The following LCORL variants were observed in gnomAD, a reference collection of about 807,000 sequenced individuals.
LCORL encodes ligand dependent nuclear receptor corepressor like.
In LCORL, 41 loss-of-function variants were observed where a neutral mutation model predicts 141.8. The observed-to-expected ratio is 0.29, with a 90% CI of 0.23 to 0.38. The LOEUF (loss-of-function observed/expected upper bound fraction) is 0.38. LCORL is among the 10% of genes least tolerant of loss of function. The probability of loss-of-function intolerance (pLI) is 1.00; values close to 1 mark genes in which losing one functional copy is unlikely to be tolerated. For missense variants in LCORL, 1,759 were observed against 2,035.0 expected (o/e 0.86, Z 2.61); for synonymous variants, 618 against 694.1 (o/e 0.89, Z 1.72).
At chr4:17,905,356 A>G (rs1052283507) in intron 5 of LCORL, among the ~76,000 whole-genome samples, 7 of 152,102 alleles carry the variant, frequency 4.6e-5, no homozygotes, top group Non-Finnish European at 8.8e-5. Flanking sequence ...AAAATTAAGA[A>G]AAGTTTTCAA....
chr4:17,887,968 C>G lies in LCORL; in HGVS notation c.683-1807G>C, dbSNP rs1269099878. ...CCAAATCTAACTCATCAGCCCCACT[C>G]AGAACACAATGTAGAGTTGGCTGAT... On this transcript the variant is annotated intron_variant, in intron 5 of 7. Transcript: ENST00000635767. Among the ~76,000 whole-genome samples the G allele has an allele frequency of 2.6e-5, 4 of 152,044 alleles. No individual in the cohort carries two copies. In the East Asian group the frequency reaches 7.7e-4, roughly 29 times the overall value.
chr4:17,956,623 A>C (rs1382860514), intron 4 of LCORL, among the ~76,000 whole-genome samples: 1 of 148,960 alleles, frequency 6.7e-6, no homozygotes, highest in Non-Finnish European at 1.5e-5. Context: ...AGAGGTAGAG[A>C]GTAAAATGAT....
intron 4 of LCORL, among the ~76,000 whole-genome samples, chr4:17,914,588 G>A (rs910194179): frequency 1.3e-5 from 2 of 152,206 alleles, no homozygotes; most frequent in Non-Finnish European, 2.9e-5. Context: ...ATGCTTCTCA[G>A]CTGCTGACTG....
chr4:18,021,008 G>C lies in LCORL; in HGVS notation c.154+590C>G, dbSNP rs952740474. ...CAGAGTTGGGCGCCCCCCGCCCCTC[G>C]GACGACGCCCCCGCCGCCCCTCGCC... On this transcript the variant is annotated intron_variant, in intron 1 of 7. Transcript: ENST00000635767. This position sits in a 1 kb window ranked among gnomAD's most constrained non-coding sequence, Gnocchi z 5.5. Among the ~76,000 whole-genome samples the C allele has an allele frequency of 6.6e-6, 1 of 152,040 alleles. No homozygotes were observed. Among genetic ancestry groups the C allele is most frequent in the African/African-American group, 2.4e-5 (1 of 41,426 alleles).
chr4:17,869,721 T>A (rs1296155443), intron 7 of LCORL, among the ~76,000 whole-genome samples: 4 of 152,272 alleles, frequency 2.6e-5, no homozygotes, highest in South Asian at 2.1e-4. Flanking sequence ...TTATTTCAGC[T>A]CAGGCCTTTT....
At chr4:17,863,667 T>C (rs760287994) in intron 7 of LCORL, among the ~76,000 whole-genome samples, 9 of 152,160 alleles carry the variant, frequency 5.9e-5, no homozygotes, top group East Asian at 3.8e-4. Context: ...GAAATATAAA[T>C]GATTCTACCA....
At chr4:17,953,058 GC>G (rs1711780472) in intron 4 of LCORL, among the ~76,000 whole-genome samples, 1 of 151,806 alleles carries the variant, frequency 6.6e-6, no homozygotes, top group Admixed American at 6.6e-5. Context: ...CATCCATGTT[GC>G]TGCAAAGGAC....
intron 4 of LCORL, among the ~76,000 whole-genome samples, chr4:17,948,456 G>A (rs866958913): frequency 6.6e-6 from 1 of 152,034 alleles, no homozygotes; most frequent in South Asian, 2.1e-4. Context: ...TTTAACGGAG[G>A]AGACAGGAGT....
rs976965118 is a variant in LCORL at position 17,999,015 on chromosome 4, T to A, written c.154+22583A>T. Among the ~76,000 whole-genome samples the A allele has an allele frequency of 6.4e-3, 723 of 112,388 alleles. 13 individuals are homozygous for A. Among genetic ancestry groups the A allele is most frequent in the African/African-American group, 0.024 (698 of 29,076 alleles). 73.7% of individuals were successfully genotyped at this position (112,388 alleles called of 152,430 possible). On this transcript the variant is annotated intron_variant, in intron 1 of 7. Transcript: ENST00000635767. ...ATATATATATATATACACACATATA[T>A]ATATATATATATATAGTATAGTAAA...
intron 5 of LCORL, among the ~76,000 whole-genome samples, chr4:17,891,000 G>C (rs962823559): frequency 1.3e-5 from 2 of 151,850 alleles, no homozygotes; most frequent in African/African-American, 4.8e-5. Context: ...CTCTTATCTG[G>C]CCTTTTGCTA....
rs147380420 is a variant in LCORL, at chr4:17,927,531, G to C, written c.431-18186C>G. Among the ~76,000 whole-genome samples, 20 of 152,222 alleles carry C rather than the reference G, an allele frequency of 1.3e-4. No homozygotes were observed. In the East Asian group the frequency reaches 3.7e-3, roughly 28 times the overall value. ...ACTTTTGATATGTCTTTCTCACTAA[G>C]CTTAGTCATTTATAGCTTTTGATTT... On this transcript the variant is annotated intron_variant, in intron 4 of 7. Transcript: ENST00000635767.
In LCORL at chr4:18,021,572, G is replaced by C; in HGVS notation, c.154+26C>G. On this transcript the variant is annotated intron_variant, in intron 1 of 7. Coordinates refer to ENST00000635767, the Ensembl canonical transcript of LCORL. This position sits in a 1 kb window ranked among gnomAD's most constrained non-coding sequence, Gnocchi z 5.5. ...CGACAGCGGTCGCCGCGCGGAGCCC[G>C]GGGCCCCGGCCCGCGTCTCTCTTAC... 1 of 1,505,658 alleles carries C rather than the reference G, an allele frequency of 6.6e-7. No individual in the cohort carries two copies. Among genetic ancestry groups the C allele is most frequent in the Non-Finnish European group, 8.9e-7 (1 of 1,128,328 alleles). The allele number at this position is 1,505,658 out of a possible 1,614,324, so 93.3% of individuals were successfully genotyped here.
At chr4:17,973,545 T>C (rs1237987238) in intron 1 of LCORL, among the ~76,000 whole-genome samples, 5 of 151,872 alleles carry the variant, frequency 3.3e-5, no homozygotes, top group African/African-American at 1.2e-4. Flanking sequence ...GTCTGTAACA[T>C]ATTTAATTTT....
At chr4:17,863,917 C>T (rs988969587) in intron 7 of LCORL, among the ~76,000 whole-genome samples, 5 of 152,140 alleles carry the variant, frequency 3.3e-5, no homozygotes, top group Non-Finnish European at 5.9e-5. Flanking sequence ...CATTTATAAG[C>T]ATTCTCACTT....
intron 1 of LCORL, among the ~76,000 whole-genome samples, chr4:17,996,610 TTC>T (rs1720955580): frequency 6.6e-6 from 1 of 152,126 alleles, no homozygotes; most frequent in Non-Finnish European, 1.5e-5. Context: ...TCATATTTTA[TTC>T]CTTTAAATGC....
intron 5 of LCORL, among the ~76,000 whole-genome samples, chr4:17,886,488 C>G (rs998793283): frequency 1.3e-5 from 2 of 151,954 alleles, no homozygotes; most frequent in African/African-American, 4.8e-5. Context: ...TGACTGTTTT[C>G]CATTCAAAGC....
intron 1 of LCORL, among the ~76,000 whole-genome samples, chr4:17,996,817 TGGATATCA>T (rs1226453927): frequency 2.0e-5 from 3 of 152,120 alleles, no homozygotes; most frequent in African/African-American, 7.2e-5. Context: ...GCTTTTATAA[TGGATATCA>T]GAATCATTGT....
chr4:17,950,546 G>A (rs940647528), intron 4 of LCORL, among the ~76,000 whole-genome samples: 1 of 152,068 alleles, frequency 6.6e-6, no homozygotes, highest in Non-Finnish European at 1.5e-5. Context: ...AGCCAATCAG[G>A]CTTGGAGGAA....
At chr4:17,971,720 T>C (rs992341542) in intron 2 of LCORL, among the ~76,000 whole-genome samples, 2 of 151,758 alleles carry the variant, frequency 1.3e-5, no homozygotes, top group African/African-American at 4.8e-5. Context: ...GATTTTATCA[T>C]TAAAAATACT....
Sources: allele counts gnomAD v4.1 joint callset (sites outside exome capture counted in the v4.1 genomes callset), GRCh38; gene constraint gnomAD v4.1.1; non-coding constraint Gnocchi (gnomAD v3.1); transcripts MANE v1.5; gene names NCBI Gene and HGNC (gene_info 2026-07-23, HGNC 2026-07-21).